The following BRD7 variants were observed in gnomAD, a reference collection of about 807,000 sequenced individuals.
BRD7 encodes bromodomain containing 7, also known as bromodomain-containing protein 7.
A neutral mutation model predicts 82.1 loss-of-function variants in BRD7; 15 were observed. The ratio of observed to expected loss-of-function variants is 0.18; its 90% CI spans 0.12 to 0.28. The LOEUF (loss-of-function observed/expected upper bound fraction) is 0.28, where lower values mean the gene tolerates loss of function less well. BRD7 is among the 10% of genes least tolerant of loss of function. BRD7 has a pLI of 1.00. For synonymous variants in BRD7, 232 were observed against 266.9 expected (o/e 0.87, Z 1.27); for missense variants, 638 against 779.9 (o/e 0.82, Z 2.17).
chr16:50,339,653 G>A (rs1010291425), intron 6 of BRD7, among the ~76,000 whole-genome samples: 7 of 152,140 alleles, frequency 4.6e-5, no homozygotes, highest in South Asian at 2.1e-4. Context: ...CAAACAGAGA[G>A]CTTTCCTCTT....
intron 5 of BRD7, among the ~76,000 whole-genome samples, chr16:50,343,662 CA>C (rs1183558760): frequency 6.6e-6 from 1 of 152,216 alleles, no homozygotes; most frequent in African/African-American, 2.4e-5. Context: ...ATATCCCGCG[CA>C]TGGCTCAGAG....
intron 5 of BRD7, among the ~76,000 whole-genome samples, chr16:50,342,244 G>A (rs1229651851): frequency 4.6e-5 from 7 of 152,048 alleles, no homozygotes; most frequent in Admixed American, 3.9e-4. Flanking sequence ...GAAATATGCT[G>A]AAATAAACGG....
intron 1 of BRD7, 31 bp downstream of exon 1, chr16:50,368,695 C>T (rs1211992906): frequency 1.9e-6 from 3 of 1,546,720 alleles, no homozygotes; most frequent in East Asian, 2.7e-5. Context: ...CCGCCGAGGG[C>T]CCGCCGCCCG....
chr16:50,359,286 T>C (rs532750449), intron 2 of BRD7, among the ~76,000 whole-genome samples: 22 of 152,372 alleles, frequency 1.4e-4, no homozygotes, highest in Admixed American at 1.1e-3. Flanking sequence ...ATGGATAAAC[T>C]ATGTAATTAG....
intron 2 of BRD7, among the ~76,000 whole-genome samples, chr16:50,364,268 T>C (rs1346207943): frequency 1.3e-5 from 2 of 152,138 alleles, no homozygotes; most frequent in Admixed American, 1.3e-4. Flanking sequence ...GAATCATACA[T>C]ACTCTAGCCC....
chr16:50,356,319 T>C (rs1289241414), intron 2 of BRD7, among the ~76,000 whole-genome samples: 1 of 152,212 alleles, frequency 6.6e-6, no homozygotes, highest in Non-Finnish European at 1.5e-5. Flanking sequence ...TCCTGTCGTA[T>C]GGTCTACATG....
intron 6 of BRD7, among the ~76,000 whole-genome samples, chr16:50,335,345 G>A (rs894807669): frequency 6.6e-6 from 1 of 152,332 alleles, no homozygotes; most frequent in African/African-American, 2.4e-5. Flanking sequence ...GTGTGCTCAC[G>A]GATGACGCTG....
At chr16:50,336,749 T>C (rs377208316) in intron 6 of BRD7, among the ~76,000 whole-genome samples, 1 of 152,216 alleles carries the variant, frequency 6.6e-6, no homozygotes, top group African/African-American at 2.4e-5. Flanking sequence ...AAGAATGCTT[T>C]GGGGTTTTAA....
chr16:50,338,875 T>C (rs948737075), intron 6 of BRD7, among the ~76,000 whole-genome samples: 1 of 152,204 alleles, frequency 6.6e-6, no homozygotes, highest in Non-Finnish European at 1.5e-5. Flanking sequence ...GGTGCCAGGA[T>C]CACCCTTGAT....
intron 8 of BRD7, among the ~76,000 whole-genome samples, chr16:50,332,395 A>G (rs934678677): frequency 1.6e-4 from 25 of 152,168 alleles, no homozygotes; most frequent in African/African-American, 6.0e-4. Flanking sequence ...GCCAACAAAC[A>G]TATGAGAAAA....
At position 50,367,989 on chromosome 16, in the gene BRD7, A is replaced by G; in HGVS notation, c.258+101T>C. The G allele has an allele frequency of 3.4e-6, 4 of 1,175,694 alleles. No homozygotes were observed. The South Asian group carries it at 5.4e-5, about 16-fold the overall frequency. 72.8% of individuals were successfully genotyped at this position (1,175,694 alleles called of 1,614,324 possible). A position where few individuals can be genotyped will look rare whatever the true frequency, so the allele number is the denominator to read the frequency against. ...CTCCTCCTCAAACGAGCCAGATCTT[A>G]GAGGCGTTTGTTTTCCCCAGATACA... On this transcript the variant is annotated intron_variant, in intron 2 of 16. Transcript: ENST00000394688.
intron 8 of BRD7, among the ~76,000 whole-genome samples, chr16:50,330,268 G>T (rs1194015043): frequency 6.6e-6 from 1 of 151,328 alleles, no homozygotes. Flanking sequence ...TCTTGGCCCT[G>T]TTCCTTAAAG....
At chr16:50,363,662 C>CGT (rs1326708825) in intron 2 of BRD7, among the ~76,000 whole-genome samples, 2 of 56,900 alleles carry the variant, frequency 3.5e-5, no homozygotes, top group South Asian at 4.9e-4. Flanking sequence ...TGTGTGTGTG[C>CGT]GCGCGCGCGC....
chr16:50,344,298 A>T (rs1255491573), intron 5 of BRD7, among the ~76,000 whole-genome samples: 1 of 152,216 alleles, frequency 6.6e-6, no homozygotes, highest in African/African-American at 2.4e-5. Context: ...TAAAACCACA[A>T]AGACGGGGAG....
chr16:50,334,331 C>CA (rs1171038002), intron 7 of BRD7, among the ~76,000 whole-genome samples: 3 of 152,226 alleles, frequency 2.0e-5, no homozygotes, highest in African/African-American at 7.2e-5. Flanking sequence ...GCTTAAGACG[C>CA]AGCAGTGCCT....
chr16:50,347,336 T>C (rs1243565015), intron 5 of BRD7, among the ~76,000 whole-genome samples: 6 of 152,198 alleles, frequency 3.9e-5, no homozygotes, highest in Admixed American at 3.9e-4. Context: ...AGCATTCCCT[T>C]TGAAAACTGG....
At chr16:50,333,738 A>T (rs1567607865) in intron 7 of BRD7, 41 bp from the exon 8 acceptor site, 1 of 1,412,132 alleles carries the variant, frequency 7.1e-7, no homozygotes, top group Non-Finnish European at 9.8e-7. Flanking sequence ...AAAAACAAAG[A>T]TAAGTAAGAT....
intron 5 of BRD7, among the ~76,000 whole-genome samples, chr16:50,347,614 T>C (rs2038343588): frequency 6.6e-6 from 1 of 151,998 alleles, no homozygotes; most frequent in Non-Finnish European, 1.5e-5. Context: ...TATACACCAA[T>C]AACAGACAAA....
rs1269585990 is a variant in BRD7 at position 50,317,697 on chromosome 16, G to T, written c.*1514C>A. On this transcript the variant is annotated 3_prime_UTR_variant, in exon 17 of 17. Transcript: ENST00000394688. ...AACTGACCATAAAAATTACCTGCAG[G>T]TATTTTCTTTTTATGAACTTGTTTT... The T allele has an allele frequency of 6.6e-6, 1 of 152,240 alleles. No individual in the cohort carries two copies. Among genetic ancestry groups the T allele is most frequent in the East Asian group, 1.9e-4 (1 of 5,336 alleles). 9.4% of individuals were successfully genotyped at this position (152,240 alleles called of 1,614,324 possible).
Sources: gnomAD v4.1 joint callset for allele counts (sites outside exome capture counted in the v4.1 genomes callset) on GRCh38, gnomAD v4.1.1 for gene constraint, MANE v1.5 for transcripts, NCBI Gene and HGNC (gene_info 2026-07-23, HGNC 2026-07-21) for gene names.